BLM: variants seen among roughly 807,000 people sequenced by gnomAD.
BLM encodes the protein BLM RecQ like helicase.
A neutral mutation model predicts 135.3 loss-of-function variants in BLM; 95 were observed. The ratio of observed to expected loss-of-function variants is 0.70; its 90% confidence interval spans 0.59 to 0.83. BLM has a LOEUF of 0.83. Ranked by LOEUF, BLM falls within the 40% of genes least tolerant of loss-of-function variation. The pLI, the probability that BLM is intolerant of heterozygous loss-of-function variation, is 0.00. For synonymous variants in BLM, 520 were observed against 589.2 expected, an observed-to-expected ratio of 0.88 and a Z score of 1.70; for missense variants, 1,518 against 1,663.9, an observed-to-expected ratio of 0.91 and a Z score of 1.53.
intron 12 of BLM, among the ~76,000 whole-genome samples, chr15:90,778,889 C>CTTTTTTTTTTTTTTT (rs60733714): frequency 0.061 from 8,052 of 131,588 alleles, 451 homozygotes; most frequent in Non-Finnish European, 0.08. Flanking sequence ...TTAACCCTTT[C>CTTTTTTTTTTTTTTT]TTTTTTTTTT....
At chr15:90,809,311 C>A (rs28385151) in intron 20 of BLM, 52 bp downstream of exon 20, 1 of 1,612,808 alleles carries the variant, frequency 6.2e-7, no homozygotes, top group Non-Finnish European at 8.5e-7. Flanking sequence ...TGTGAAGCGA[C>A]GCGTCTCACT....
Position 90,816,107 on chromosome 15 carries a change from A to T in BLM, c.*828A>T, listed in dbSNP as rs2029920604. On this transcript the variant is annotated 3_prime_UTR_variant, in exon 22 of 22. Transcript: ENST00000355112. ...AAAAAAAAAAAAAAAAAAGAAATATACATGCTCTGCAAATATGTGAAAAAG... is the reference window on the plus strand; with the variant it reads ...AAAAAAAAAAAAAAAAAAGAAATATTCATGCTCTGCAAATATGTGAAAAAG... 1 of 151,646 alleles carries T rather than the reference A, an allele frequency of 6.6e-6. No homozygotes were observed. Among genetic ancestry groups the T allele is most frequent in the Non-Finnish European group, 1.5e-5 (1 of 67,954 alleles). 9.4% of individuals were successfully genotyped at this position (151,646 alleles called of 1,614,324 possible).
At chr15:90,736,816 A>G (rs2151137131) in intron 1 of BLM, among the ~76,000 whole-genome samples, 1 of 152,314 alleles carries the variant, frequency 6.6e-6, no homozygotes, top group South Asian at 2.1e-4. Context: ...GGAAAATATG[A>G]GACTCTAATG....
chr15:90,798,142 G>A, intron 16 of BLM, 48 bp from the exon 17 acceptor site: 1 of 1,506,428 alleles, frequency 6.6e-7, no homozygotes, highest in Non-Finnish European at 9.1e-7. Context: ...AGTAATCTAG[G>A]CATTGTTACC....
chr15:90,799,311 A>G (rs1897109616), intron 17 of BLM, among the ~76,000 whole-genome samples: 1 of 152,126 alleles, frequency 6.6e-6, no homozygotes, highest in African/African-American at 2.4e-5. Context: ...TAAAATAAAT[A>G]CTTAAATAAT....
Position 90,717,416 on chromosome 15 carries a change from C to G in BLM, c.-29C>G, listed in dbSNP as rs886051549. The G allele has an allele frequency of 6.6e-6, 1 of 152,418 alleles. No individual in the cohort carries two copies. Among genetic ancestry groups the G allele is most frequent in the African/African-American group, 2.4e-5 (1 of 41,466 alleles). The allele number at this position is 152,418 out of a possible 1,614,324, so 9.4% of individuals were successfully genotyped here. A position where few individuals can be genotyped will look rare whatever the true frequency, so the allele number is the denominator to read the frequency against. On this transcript the variant is annotated 5_prime_UTR_variant, in exon 1 of 22. Transcript: ENST00000355112. ...GCGCGGGAAGTTTGGATCCTGGTTC[C>G]GTCCGCTAGGAGTCTGCGTGCGAGG...
chr15:90,717,504 G>T lies in BLM; in HGVS notation c.-5+64G>T, dbSNP rs28364256. 648 of 152,774 alleles carry T rather than the reference G, an allele frequency of 4.2e-3. 1 individual carries two copies. Among genetic ancestry groups the T allele is most frequent in the Admixed American group, 8.7e-3 (133 of 15,312 alleles). 9.5% of individuals were successfully genotyped at this position (152,774 alleles called of 1,614,324 possible). On this transcript the variant is annotated intron_variant, in intron 1 of 21. Transcript: ENST00000355112. ...GATCTAGCCCTGCTCTGGCGGCCCG[G>T]CCCGGAGCTGGAGGCCGCTCGGGTT...
rs891751726 is a variant in BLM, at chr15:90,811,391, G to A, written c.4061G>A (p.Gly1354Asp). Reference sequence around the variant, plus strand: ...AAGAGGAGAAAAACTGCTTCCAGTGGTTCCAAGGCAAAGGGGTATGTTTTG... The same window carrying A: ...AAGAGGAGAAAAACTGCTTCCAGTGATTCCAAGGCAAAGGGGTATGTTTTG... ...RSKRRKTASS[G>D]SKAKGGSATC... The change falls in exon 21 of 22, where the codon GGT (glycine) becomes GAT (aspartate). Residue 1354 changes from glycine to aspartate, a missense_variant. Transcript: ENST00000355112. The A allele has an allele frequency of 6.2e-7, 1 of 1,614,180 alleles. No individual in the cohort carries two copies. Among genetic ancestry groups the A allele is most frequent in the South Asian group, 1.1e-5 (1 of 91,088 alleles).
intron 1 of BLM, among the ~76,000 whole-genome samples, chr15:90,746,950 T>C (rs1185528696): frequency 6.6e-6 from 1 of 152,170 alleles, no homozygotes; most frequent in East Asian, 1.9e-4. Flanking sequence ...GTTCTGCCCT[T>C]GTGCAGAATT....
In BLM at chr15:90,790,750, A is replaced by G; in HGVS notation, c.2925A>G (p.Gln975=). The G allele has an allele frequency of 1.2e-6, 2 of 1,614,188 alleles. No homozygotes were observed. The highest frequency in any genetic ancestry group is 1.7e-6 in the Non-Finnish European group (2 of 1,180,004). Residue 975 remains glutamine, a synonymous_variant, in exon 15 of 22, where the codon CAA becomes CAG. Coordinates refer to ENST00000355112, the MANE Select transcript of BLM (RefSeq NM_000057.4). ...SLPKSVEGYY[Q]ESGRAGRDGE... is the part of the protein sequence containing the mutation. The stretch of plus-strand genomic sequence containing the variant: ...CTAAATCTGTGGAGGGTTACTACCA[A>G]GAATCTGGCAGAGCTGGAAGAGATG...
At chr15:90,796,846 G>A (rs1897038597) in intron 16 of BLM, among the ~76,000 whole-genome samples, 1 of 152,182 alleles carries the variant, frequency 6.6e-6, no homozygotes, top group African/African-American at 2.4e-5. Flanking sequence ...TATAATGATC[G>A]ACTGGAATTT....
intron 1 of BLM, among the ~76,000 whole-genome samples, chr15:90,726,550 G>A (rs746556413): frequency 3.3e-5 from 5 of 152,168 alleles, no homozygotes; most frequent in Non-Finnish European, 5.9e-5. Context: ...TTACAGGCAT[G>A]AGCCACCACA....
chr15:90,717,802 C>G (rs1894647678), intron 1 of BLM, among the ~76,000 whole-genome samples: 1 of 152,234 alleles, frequency 6.6e-6, no homozygotes, highest in Non-Finnish European at 1.5e-5. Context: ...CGTGTCCCTC[C>G]TGAGGAACAA....
At chr15:90,776,413 A>G (rs1245733499) in intron 12 of BLM, among the ~76,000 whole-genome samples, 1 of 152,214 alleles carries the variant, frequency 6.6e-6, no homozygotes, top group African/African-American at 2.4e-5. Flanking sequence ...TCCAATATGT[A>G]TGGAAGAGTT....
intron 19 of BLM, 128 bp downstream of exon 19, chr15:90,804,487 G>A (rs1463270693): frequency 4.7e-6 from 5 of 1,067,214 alleles, no homozygotes; most frequent in Non-Finnish European, 7.1e-6. Context: ...GTTTTGAGAC[G>A]GGGTCTCGCT....
At chr15:90,719,416 A>G (rs2151123988) in intron 1 of BLM, among the ~76,000 whole-genome samples, 1 of 152,288 alleles carries the variant, frequency 6.6e-6, no homozygotes, top group African/African-American at 2.4e-5. Context: ...TGCCTCACCA[A>G]CATGGCGAAA....
rs762716289 is a variant in BLM, at chr15:90,798,221, T to A, written c.3242T>A (p.Val1081Glu). ...AAAACAAGAGATGTGACTGACGATG[T>A]GAAAAGTATTGTAAGATTTGTTCAA... The part of the protein sequence containing the change: ...DYKTRDVTDD[V>E]KSIVRFVQEH... Residue 1081 changes from valine (V) to glutamate (E), a missense_variant, in exon 17 of 22, where the codon GTG (valine) becomes GAG (glutamate). By Grantham distance (121) the Val-to-Glu change is moderately radical. Coordinates refer to ENST00000355112, the MANE Select transcript of BLM (RefSeq NM_000057.4). 1.9e-6 allele frequency: 3 copies of A among 1,609,120 alleles called. No individual in the cohort carries two copies. The highest frequency in any genetic ancestry group is 1.1e-5 in the South Asian group (1 of 90,850).
intron 1 of BLM, among the ~76,000 whole-genome samples, chr15:90,718,390 A>C (rs975997952): frequency 5.3e-5 from 8 of 152,170 alleles, no homozygotes; most frequent in Non-Finnish European, 8.8e-5. Context: ...GTCACACAGA[A>C]CTTTAGGTAC....
chr15:90,792,623 T>C (rs1054432614), intron 15 of BLM, among the ~76,000 whole-genome samples: 5 of 152,264 alleles, frequency 3.3e-5, no homozygotes, highest in Admixed American at 1.3e-4. Context: ...AGAGTCGTTG[T>C]AGTAGTAGTA....
Sources: gnomAD v4.1 joint callset for allele counts (sites outside exome capture counted in the v4.1 genomes callset) on GRCh38, gnomAD v4.1.1 for gene constraint, MANE v1.5 for transcripts, NCBI Gene and HGNC (gene_info 2026-07-23, HGNC 2026-07-21) for gene names.